The following TEX36 variants were observed in gnomAD, a reference collection of about 807,000 sequenced individuals.
TEX36 encodes the protein testis-expressed protein 36.
In TEX36, 12 loss-of-function variants were observed where a neutral mutation model predicts 13.6. That is an observed-to-expected ratio of 0.88 (90% CI 0.56 to 1.43). The LOEUF (loss-of-function observed/expected upper bound fraction) is 1.43, where lower values mean the gene tolerates loss of function less well. Among genes scored for constraint, TEX36 ranks in the 40% most tolerant of loss-of-function variants. TEX36 has a pLI of 0.00. For synonymous variants in TEX36, 93 were observed against 83.0 expected (o/e 1.12, Z -0.65); for missense variants, 224 against 228.3 (o/e 0.98, Z 0.12).
intron 1 of TEX36, among the ~76,000 whole-genome samples, chr10:125,666,670 C>A (rs184254079): frequency 1.9e-4 from 29 of 152,228 alleles, no homozygotes; most frequent in Admixed American, 1.4e-3. Flanking sequence ...CCCCGCCCCC[C>A]CTCCTCCAAC....
chr10:125,674,704 G>A (rs1416867191), intron 1 of TEX36, among the ~76,000 whole-genome samples: 1 of 152,202 alleles, frequency 6.6e-6, no homozygotes, highest in Non-Finnish European at 1.5e-5. Context: ...GCAGTTTGCT[G>A]GAGGTCCATT....
chr10:125,590,271 A>C (rs935664640), intron 3 of TEX36, among the ~76,000 whole-genome samples: 14 of 151,800 alleles, frequency 9.2e-5, no homozygotes, highest in African/African-American at 2.9e-4. Context: ...CACCACACCC[A>C]GCTAATTTTT....
chr10:125,642,812 G>T (rs144001665), intron 3 of TEX36, among the ~76,000 whole-genome samples: 1 of 152,274 alleles, frequency 6.6e-6, no homozygotes, highest in African/African-American at 2.4e-5. Context: ...AGGTCTTTAG[G>T]AGGCAACAAT....
downstream of TEX36, among the ~76,000 whole-genome samples, chr10:125,617,035 A>T (rs1030241468): frequency 2.0e-5 from 3 of 152,174 alleles, no homozygotes; most frequent in Non-Finnish European, 4.4e-5. Flanking sequence ...TTTGCCATTA[A>T]GTAATGGCCT....
intron 3 of TEX36, among the ~76,000 whole-genome samples, chr10:125,585,233 C>A (rs1270880840): frequency 1.3e-5 from 2 of 152,132 alleles, no homozygotes; most frequent in Non-Finnish European, 2.9e-5. Context: ...CGAGGAGGAG[C>A]TATACCATGG....
chr10:125,659,121 C>A (rs9422914), intron 3 of TEX36, among the ~76,000 whole-genome samples: 26,942 of 152,078 alleles, frequency 0.18, 4,653 homozygotes, highest in African/African-American at 0.45. Flanking sequence ...GTCATAAAAA[C>A]CTTACTCTAA....
At chr10:125,598,773 A>G (rs1320989526) in intron 3 of TEX36, among the ~76,000 whole-genome samples, 2 of 152,230 alleles carry the variant, frequency 1.3e-5, no homozygotes, top group Non-Finnish European at 2.9e-5. Context: ...GCTCAAAATC[A>G]TCTCAACAGT....
chr10:125,667,422 T>TG (rs1565189475), intron 1 of TEX36: 1 of 674,448 alleles, frequency 1.5e-6, no homozygotes, highest in African/African-American at 1.8e-5. Flanking sequence ...TGCTAGCAGA[T>TG]GCTGGCATGA....
At chr10:125,652,994 C>T (rs1589774588), downstream of TEX36, among the ~76,000 whole-genome samples, 1 of 152,214 alleles carries the variant, frequency 6.6e-6, no homozygotes, top group East Asian at 1.9e-4. Context: ...ACAACAGGTG[C>T]TGGAGAGGAT....
intron 3 of TEX36, among the ~76,000 whole-genome samples, chr10:125,660,537 G>T (rs545668173): frequency 1.6e-4 from 24 of 152,318 alleles, no homozygotes; most frequent in Middle Eastern, 3.4e-3. Context: ...ACACAGTGCT[G>T]TGTGAACCAC....
downstream of TEX36, among the ~76,000 whole-genome samples, chr10:125,619,807 C>T (rs574187500): frequency 1.2e-4 from 18 of 151,920 alleles, 1 homozygote; most frequent in East Asian, 1.2e-3. Flanking sequence ...CACCTGCCTC[C>T]GCCTCCCAAA....
chr10:125,638,171 C>T (rs1046777901), intron 3 of TEX36, among the ~76,000 whole-genome samples: 13 of 151,946 alleles, frequency 8.6e-5, no homozygotes, highest in Admixed American at 8.5e-4. Context: ...TCCCCCAGCC[C>T]CCATCCCCCA....
At chr10:125,662,083 T>C (rs1847054668) in intron 1 of TEX36, 106 bp from the exon 2 acceptor site, 1 of 1,418,060 alleles carries the variant, frequency 7.1e-7, no homozygotes, top group East Asian at 2.5e-5. Context: ...TTGGGTGCTT[T>C]TGGCATGCAA....
At chr10:125,602,640 GCT>G (rs1176481362) in intron 3 of TEX36, among the ~76,000 whole-genome samples, 1 of 152,178 alleles carries the variant, frequency 6.6e-6, no homozygotes, top group African/African-American at 2.4e-5. Flanking sequence ...GTGAGTGCCG[GCT>G]CTGTGTCCTA....
chr10:125,617,538 A>G (rs1277774438), downstream of TEX36, among the ~76,000 whole-genome samples: 1 of 151,982 alleles, frequency 6.6e-6, no homozygotes, highest in Non-Finnish European at 1.5e-5. Flanking sequence ...TTTCTCTTTC[A>G]CTTATGAAGC....
intron 3 of TEX36, among the ~76,000 whole-genome samples, chr10:125,581,979 C>T (rs1845888620): frequency 6.6e-6 from 1 of 152,224 alleles, no homozygotes; most frequent in Non-Finnish European, 1.5e-5. Flanking sequence ...GAGCTCCACT[C>T]ATACAAGGCC....
At chr10:125,581,699 TCAAA>T (rs1006672418) in intron 3 of TEX36, among the ~76,000 whole-genome samples, 39 of 152,294 alleles carry the variant, frequency 2.6e-4, no homozygotes, top group African/African-American at 9.1e-4. Context: ...CCTGTCATTC[TCAAA>T]CAAAGAATCA....
At chr10:125,579,415 C>T (rs369351374) in intron 3 of TEX36, among the ~76,000 whole-genome samples, 1 of 152,176 alleles carries the variant, frequency 6.6e-6, no homozygotes, top group Non-Finnish European at 1.5e-5. Context: ...CATGGGGGAA[C>T]TGCCTCCATG....
At chr10:125,674,240 C>T (rs1415042057) in intron 1 of TEX36, among the ~76,000 whole-genome samples, 2 of 152,094 alleles carry the variant, frequency 1.3e-5, no homozygotes, top group Non-Finnish European at 1.5e-5. Context: ...TGCATTGTGA[C>T]GTTTTCATGT....
Sources: gnomAD v4.1 joint callset for allele counts (sites outside exome capture counted in the v4.1 genomes callset) on GRCh38, gnomAD v4.1.1 for gene constraint, MANE v1.5 for transcripts, NCBI Gene and HGNC (gene_info 2026-07-23, HGNC 2026-07-21) for gene names.